Variants in IDO2 observed in about 807,000 individuals in gnomAD.
The protein encoded by IDO2 is indoleamine 2,3-dioxygenase-like 1 protein.
Under a neutral mutation model 45.1 loss-of-function variants are expected in IDO2, and 46 were observed. The ratio of observed to expected loss-of-function variants is 1.02; its 90% confidence interval spans 0.80 to 1.30. IDO2 has a LOEUF of 1.30. Among genes scored for constraint, IDO2 ranks in the 50% most tolerant of loss-of-function variants. IDO2 has a pLI of 0.00. For synonymous variants in IDO2, 218 were observed against 184.9 expected (o/e 1.18, Z -1.45); for missense variants, 544 against 491.8 (o/e 1.11, Z -1.00).
intron 5 of IDO2, chr8:39,985,273 G>A (rs182391154): frequency 1.3e-4 from 74 of 548,596 alleles, no homozygotes; most frequent in Admixed American, 3.4e-5. Context: ...TCTGGGGCTG[G>A]AATGTGAGTG....
chr8:39,941,789 T>A (rs1315298901), intron 1 of IDO2, among the ~76,000 whole-genome samples: 1 of 151,756 alleles, frequency 6.6e-6, no homozygotes, highest in African/African-American at 2.4e-5. Context: ...AATGCATGAT[T>A]CTAAGAAATG....
chr8:39,972,681 A>G (rs1808197408), intron 3 of IDO2, among the ~76,000 whole-genome samples: 1 of 150,660 alleles, frequency 6.6e-6, no homozygotes, highest in African/African-American at 2.4e-5. Context: ...CATGCATGCA[A>G]TGGATAAATC....
intron 3 of IDO2, among the ~76,000 whole-genome samples, chr8:39,965,243 T>C (rs1808067331): frequency 6.6e-6 from 1 of 152,204 alleles, no homozygotes; most frequent in African/African-American, 2.4e-5. Flanking sequence ...CCTAGCACTT[T>C]GGGAGGCCAA....
At chr8:40,012,110 T>C (rs1802318345) in intron 9 of IDO2, among the ~76,000 whole-genome samples, 1 of 152,198 alleles carries the variant, frequency 6.6e-6, no homozygotes, top group Non-Finnish European at 1.5e-5. Context: ...AAAAATATCA[T>C]GAACAGCAAA....
At chr8:40,012,056 C>A (rs1056501250) in intron 9 of IDO2, among the ~76,000 whole-genome samples, 1 of 152,200 alleles carries the variant, frequency 6.6e-6, no homozygotes, top group Non-Finnish European at 1.5e-5. Flanking sequence ...CCAGTGAAAA[C>A]AACCTGGCTC....
chr8:39,936,968 T>C (rs1308198211), intron 1 of IDO2, among the ~76,000 whole-genome samples: 1 of 152,206 alleles, frequency 6.6e-6, no homozygotes, highest in Non-Finnish European at 1.5e-5. Context: ...GAAAGACATC[T>C]TTTAAAAGAA....
intron 1 of IDO2, among the ~76,000 whole-genome samples, chr8:39,941,650 A>C (rs1171141250): frequency 2.0e-5 from 3 of 152,216 alleles, no homozygotes; most frequent in Non-Finnish European, 2.9e-5. Flanking sequence ...GTTAAGATTA[A>C]ATAAAAATAC....
chr8:40,016,010 C>A, exon 11 of IDO2: 1 of 384,590 alleles, frequency 2.6e-6, no homozygotes, highest in Non-Finnish European at 4.6e-6. Flanking sequence ...ATACTGAGCA[C>A]TGCCTCCAAG....
rs570408438 is a variant in IDO2 at position 39,977,247 on chromosome 8, G to A, written c.196-1820G>A. On this transcript the variant is annotated intron_variant, in intron 3 of 10. Coordinates refer to ENST00000502986, the Ensembl canonical transcript of IDO2. The stretch of plus-strand genomic sequence containing the variant: ...AGATATTTGAATTGATGATAAACAG[G>A]CAAAAATGCTCAATCTCAAGAATAA... Among the ~76,000 whole-genome samples the A allele has an allele frequency of 3.9e-5, 6 of 152,222 alleles. No individual in the cohort carries two copies. The South Asian group carries it at 1.2e-3, about 32-fold the overall frequency.
intron 6 of IDO2, 178 bp from the exon 7 acceptor site, chr8:39,987,693 C>T (rs1024546317): frequency 4.3e-5 from 24 of 554,046 alleles, no homozygotes; most frequent in African/African-American, 3.6e-4. Flanking sequence ...TATCTGTTCT[C>T]TTTCCTCCCT....
rs370981310 is a variant in IDO2, at chr8:39,964,090, T to C, written c.195+387T>C. Among the ~76,000 whole-genome samples the C allele has an allele frequency of 4.0e-4, 61 of 152,322 alleles. 1 individual carries two copies. The highest frequency in any genetic ancestry group is 1.4e-3 in the African/African-American group (60 of 41,572). The stretch of plus-strand genomic sequence containing the variant: ...TCTGTTGTTACTGAGGGGGTCTAAC[T>C]TGATTTTGTCCTAGGTGTTATAGAA... On this transcript the variant is annotated intron_variant, in intron 3 of 10. Transcript: ENST00000502986.
intron 8 of IDO2, among the ~76,000 whole-genome samples, chr8:40,000,469 A>G (rs999648224): frequency 6.6e-6 from 1 of 151,992 alleles, no homozygotes; most frequent in Non-Finnish European, 1.5e-5. Flanking sequence ...TTTGTTTTGT[A>G]GGGTTTTGAA....
At chr8:39,998,834 G>A (rs957278435) in intron 8 of IDO2, among the ~76,000 whole-genome samples, 2 of 151,550 alleles carry the variant, frequency 1.3e-5, no homozygotes, top group Non-Finnish European at 2.9e-5. Context: ...GTAGAGACGG[G>A]GTTTTGCCAT....
chr8:39,995,086 C>T (rs1228486956), intron 8 of IDO2: 1 of 152,082 alleles, frequency 6.6e-6, no homozygotes, highest in Non-Finnish European at 1.5e-5. Context: ...CTTAACATTT[C>T]AATTAAAAGG....
intron 8 of IDO2, among the ~76,000 whole-genome samples, chr8:39,990,801 G>T (rs1397344443): frequency 1.3e-5 from 2 of 152,142 alleles, no homozygotes; most frequent in Non-Finnish European, 2.9e-5. Flanking sequence ...CTTAACACAG[G>T]CATGGTCAGT....
chr8:39,989,846 G>T lies in IDO2; in HGVS notation c.667+8G>T. The T allele has an allele frequency of 6.4e-7, 1 of 1,556,548 alleles. No individual in the cohort carries two copies. Among genetic ancestry groups the T allele is most frequent in the Admixed American group, 1.9e-5 (1 of 53,712 alleles). Reference sequence around the variant, plus strand: ...CCTTAGGACAGATGCATGGTAAGATGCTTCCGAAGCTCCTGAAGGATCCCC... The same window carrying T: ...CCTTAGGACAGATGCATGGTAAGATTCTTCCGAAGCTCCTGAAGGATCCCC... On this transcript the variant is annotated splice_region_variant and intron_variant, in intron 8 of 10. Transcript: ENST00000502986.
intron 8 of IDO2, among the ~76,000 whole-genome samples, chr8:39,990,661 T>A (rs1808486004): frequency 6.6e-6 from 1 of 152,236 alleles, no homozygotes; most frequent in Non-Finnish European, 1.5e-5. Flanking sequence ...ATTTTTCCTT[T>A]AAAAACCTTT....
chr8:40,006,526 T>C (rs1346709354), intron 9 of IDO2, among the ~76,000 whole-genome samples: 1 of 152,226 alleles, frequency 6.6e-6, no homozygotes, highest in African/African-American at 2.4e-5. Context: ...GTCTAATGTA[T>C]TTTGTTGTAG....
intron 2 of IDO2, among the ~76,000 whole-genome samples, chr8:39,954,763 C>A (rs187855854): frequency 1.0e-4 from 15 of 145,638 alleles, no homozygotes. Context: ...TCAAGCAATT[C>A]TCCTGCCTCA....
Sources: gnomAD v4.1 joint callset for allele counts (sites outside exome capture counted in the v4.1 genomes callset) on GRCh38, gnomAD v4.1.1 for gene constraint, MANE v1.5 for transcripts, NCBI Gene and HGNC (gene_info 2026-07-23, HGNC 2026-07-21) for gene names.